HECTD4: variants seen among roughly 807,000 people sequenced by gnomAD.
HECTD4 encodes the protein probable E3 ubiquitin-protein ligase HECTD4.
HECTD4 carries 114 observed loss-of-function variants against 471.5 expected under a neutral mutation model. The observed-to-expected ratio is 0.24, with a 90% CI of 0.21 to 0.28. The LOEUF is 0.28. Among genes scored for constraint, HECTD4 ranks in the 10% least tolerant of loss-of-function variants. HECTD4 has a pLI of 1.00. For synonymous variants in HECTD4, 2,012 were observed against 2,256.0 expected (o/e 0.89, Z 3.07); for missense variants, 3,866 against 5,651.5 (o/e 0.68, Z 10.13).
chr12:112,164,574 C>T (rs1234823844), intron 72 of HECTD4, among the ~76,000 whole-genome samples: 1 of 152,018 alleles, frequency 6.6e-6, no homozygotes, highest in Non-Finnish European at 1.5e-5. Context: ...CACTGGAGGC[C>T]ACCTCTGCCC....
chr12:112,183,941 G>A (rs1208339240), intron 61 of HECTD4, among the ~76,000 whole-genome samples: 5 of 152,136 alleles, frequency 3.3e-5, no homozygotes, highest in African/African-American at 4.8e-5. Flanking sequence ...CACTGATGGC[G>A]CCCACCCACC....
chr12:112,279,470 G>A, intron 8 of HECTD4, 84 bp from the exon 9 acceptor site: 2 of 1,165,624 alleles, frequency 1.7e-6, no homozygotes, highest in South Asian at 1.6e-5. Context: ...GATATAATGA[G>A]GGAGACCCAA....
chr12:112,225,466 T>C (rs1287840155), intron 44 of HECTD4, among the ~76,000 whole-genome samples: 1 of 152,072 alleles, frequency 6.6e-6, no homozygotes, highest in Admixed American at 6.5e-5. Context: ...TAGGGTCCAG[T>C]TATATCCTTG....
At position 112,193,618 on chromosome 12, in the gene HECTD4, G is replaced by A. The variant is rs753843085; in HGVS notation, c.8806C>T (p.His2936Tyr). 6.2e-7 allele frequency: 1 copy of A among 1,613,276 alleles called. No individual in the cohort carries two copies. Among genetic ancestry groups the A allele is most frequent in the South Asian group, 1.1e-5 (1 of 90,784 alleles). ...TCCGTGGCGGAGCAGTTCTGGGAAT[G>A]GATGCAATGCTGTAAAGACTGCGCC... ...LLAQSLQHCI[H>Y]SQNCSATDLF... The change falls in exon 57 of 76, where the codon CAT (histidine) becomes TAT (tyrosine). Residue 2936 changes from histidine (H) to tyrosine (Y), a missense_variant. Around this residue, in one of 16 missense-constraint regions of HECTD4, gnomAD observed 364 missense variants for 413.2 expected, o/e 0.88. Transcript: ENST00000682272. The surrounding 1 kb of genome is among the most constrained non-coding windows in gnomAD (Gnocchi z 5.2).
chr12:112,295,136 C>T (rs11066244), intron 7 of HECTD4, among the ~76,000 whole-genome samples: 1 of 116,418 alleles, frequency 8.6e-6, no homozygotes. Flanking sequence ...GAAATCCCGT[C>T]TGAAAAAAAA....
At chr12:112,265,381 CAAAT>C (rs2034245153) in intron 15 of HECTD4, 86 bp from the exon 16 acceptor site, 1 of 844,608 alleles carries the variant, frequency 1.2e-6, no homozygotes, top group South Asian at 2.4e-5. Flanking sequence ...TATAAGATGA[CAAAT>C]AAAAGATACA....
At chr12:112,256,586 A>C in intron 20 of HECTD4, 68 bp from the exon 21 acceptor site, 1 of 1,148,298 alleles carries the variant, frequency 8.7e-7, no homozygotes, top group Non-Finnish European at 1.2e-6. Context: ...TAAACATTAA[A>C]TTGCTCTTTA....
intron 1 of HECTD4, among the ~76,000 whole-genome samples, chr12:112,352,699 T>C (rs371151145): frequency 6.6e-6 from 1 of 152,046 alleles, no homozygotes. Context: ...CTCAACCTCC[T>C]GGGCTCAAGC....
Position 112,171,170 on chromosome 12 carries a change from C to T in HECTD4, c.11879G>A (p.Arg3960His). ...ETFFLPLVEL[R>H]QTPMYTHSIA... The stretch of plus-strand genomic sequence containing the variant: ...GCTGTGGGTATACATGGGTGTCTGG[C>T]GCAGCTCCACCAGGGGCAGGAAGAA... Residue 3960 changes from arginine to histidine, a missense_variant, in exon 68 of 76, where the codon CGC (arginine) becomes CAC (histidine). This residue lies in a region of HECTD4 where 715 missense variants were observed against 1,087.6 expected (regional missense o/e 0.66). Coordinates refer to ENST00000682272, the MANE Select transcript of HECTD4 (RefSeq NM_001388303.1). 5 of 1,613,424 alleles carry T rather than the reference C, an allele frequency of 3.1e-6. No individual in the cohort carries two copies. Among genetic ancestry groups the T allele is most frequent in the Non-Finnish European group, 4.2e-6 (5 of 1,179,744 alleles).
intron 39 of HECTD4, 174 bp downstream of exon 39, chr12:112,231,339 G>A: frequency 1.6e-6 from 1 of 623,654 alleles, no homozygotes; most frequent in Non-Finnish European, 2.8e-6. Flanking sequence ...TACCTGGATG[G>A]TCATTACTCC....
chr12:112,228,100 T>G lies in HECTD4; in HGVS notation c.6843A>C (p.Glu2281Asp). 1 of 1,612,256 alleles carries G rather than the reference T, an allele frequency of 6.2e-7. No homozygotes were observed. ...PVMAVVRLLA[E>D]IRTRACLVMA... ...GGGAGGGTACTCACCTTGTCCTTATTTCAGCAAGGAGCCGAACGACTGCCA... is the reference window on the plus strand; with the variant it reads ...GGGAGGGTACTCACCTTGTCCTTATGTCAGCAAGGAGCCGAACGACTGCCA... The change falls in exon 43 of 76, where the codon GAA becomes GAC. Residue 2281 changes from glutamate to aspartate, a missense_variant. Coordinates refer to ENST00000682272, the MANE Select transcript of HECTD4 (RefSeq NM_001388303.1). The surrounding 1 kb of genome is among the most constrained non-coding windows in gnomAD (Gnocchi z 4.9).
At chr12:112,291,380 C>T (rs2034881765) in intron 7 of HECTD4, among the ~76,000 whole-genome samples, 5 of 152,108 alleles carry the variant, frequency 3.3e-5, no homozygotes. Flanking sequence ...TTATTATTAG[C>T]AATAATTCTT....
At position 112,185,328 on chromosome 12, in the gene HECTD4, A is replaced by G. The variant is rs1394506608; in HGVS notation, c.9638T>C (p.Met3213Thr). The G allele has an allele frequency of 1.9e-6, 3 of 1,589,542 alleles. No homozygotes were observed. Among genetic ancestry groups the G allele is most frequent in the Non-Finnish European group, 2.6e-6 (3 of 1,168,088 alleles). Residue 3213 changes from methionine (M) to threonine (T), a missense_variant, in exon 61 of 76, where the codon ATG becomes ACG. Around this residue, in one of 16 missense-constraint regions of HECTD4, gnomAD observed 364 missense variants for 413.2 expected, o/e 0.88. Transcript: ENST00000682272. ...CTTGTGGAGCTCCGACTGCAAGGCC[A>G]TCAGCATGGCCAGGCAGGGGTTCAG... ...LQLNPCLAML[M>T]ALQSELHKLY...
intron 1 of HECTD4, among the ~76,000 whole-genome samples, chr12:112,328,228 A>G (rs2035784736): frequency 6.6e-6 from 1 of 151,872 alleles, no homozygotes; most frequent in East Asian, 1.9e-4. Flanking sequence ...AACCTCCACC[A>G]CCTGGGCTCA....
rs1373797858 is a variant in HECTD4 at position 112,184,435 on chromosome 12, G to A, written c.10531C>T (p.Pro3511Ser). Residue 3511 changes from proline to serine, a missense_variant, in exon 61 of 76, where the codon CCG (proline) becomes TCG (serine). Around this residue, in one of 16 missense-constraint regions of HECTD4, gnomAD observed 192 missense variants for 189.9 expected, o/e 1.01. Coordinates refer to ENST00000682272, the MANE Select transcript of HECTD4 (RefSeq NM_001388303.1). This position sits in a 1 kb window ranked among gnomAD's most constrained non-coding sequence, Gnocchi z 9.1. ...GGCAGCTCGAGGCCGGCAGGCAGCG[G>A]ATCCACAGAGAGGTCGCTGACGGTT... ...SQTVSDLSVD[P>S]LPAGLELPIP... 1 of 1,605,942 alleles carries A rather than the reference G, an allele frequency of 6.2e-7. No individual in the cohort carries two copies. The highest frequency in any genetic ancestry group is 1.1e-5 in the South Asian group (1 of 90,738).
intron 40 of HECTD4, among the ~76,000 whole-genome samples, chr12:112,230,449 C>T (rs1397069743): frequency 6.6e-6 from 1 of 152,200 alleles, no homozygotes; most frequent in African/African-American, 2.4e-5. Flanking sequence ...AGGCCTGTCA[C>T]TCTTTCCCTG....
intron 61 of HECTD4, among the ~76,000 whole-genome samples, chr12:112,183,952 G>A (rs2031764051): frequency 6.6e-6 from 1 of 152,200 alleles, no homozygotes; most frequent in Admixed American, 6.5e-5. Context: ...CCCACCCACC[G>A]CGGAAGGCCA....
At chr12:112,249,967 A>G (rs111760683) in intron 25 of HECTD4, 177 bp downstream of exon 25, 16 of 602,186 alleles carry the variant, frequency 2.7e-5, no homozygotes, top group African/African-American at 2.4e-4. Context: ...AAATTTTGAG[A>G]GCCCCTAGTC....
chr12:112,336,079 A>G (rs1214068568), intron 1 of HECTD4, among the ~76,000 whole-genome samples: 1 of 152,206 alleles, frequency 6.6e-6, no homozygotes, highest in African/African-American at 2.4e-5. Flanking sequence ...GAATTTACAG[A>G]AAATAGTGAA....
Sources: gnomAD v4.1 joint callset for allele counts (sites outside exome capture counted in the v4.1 genomes callset) on GRCh38, gnomAD v4.1.1 for gene constraint, gnomAD v4.1.1 regional missense constraint, Gnocchi (gnomAD v3.1) non-coding constraint, MANE v1.5 for transcripts, NCBI Gene and HGNC (gene_info 2026-07-23, HGNC 2026-07-21) for gene names.